RC3H2: variants seen among roughly 807,000 people sequenced by gnomAD.
RC3H2 encodes ring finger and CCCH-type domains 2.
Under a neutral mutation model 133.3 loss-of-function variants are expected in RC3H2, and 31 were observed. The ratio of observed to expected loss-of-function variants is 0.23; its 90% CI spans 0.17 to 0.31. RC3H2 has a LOEUF of 0.31. Among genes scored for constraint, RC3H2 ranks in the 10% least tolerant of loss-of-function variants. The pLI, the probability that RC3H2 is intolerant of heterozygous loss-of-function variation, is 1.00. For missense variants in RC3H2, 1,175 were observed against 1,437.2 expected, an observed-to-expected ratio of 0.82 and a Z score of 2.95; for synonymous variants, 517 against 502.2, an observed-to-expected ratio of 1.03 and a Z score of -0.40.
At position 122,845,538 on chromosome 9, in the gene RC3H2, T is replaced by C. The variant is rs1420473885; in HGVS notation, c.*4089A>G. On this transcript the variant is annotated 3_prime_UTR_variant, in exon 21 of 21. Coordinates refer to ENST00000357244, the MANE Select transcript of RC3H2 (RefSeq NM_001100588.3). ...TGGTTTGGGAATATTTTAAAAATTT[T>C]ATTAAAAAAAAGAAAAAACTGCCAA... is the stretch of plus-strand genomic sequence containing the variant. The C allele has an allele frequency of 6.6e-6, 1 of 152,128 alleles. No homozygotes were observed. The highest frequency in any genetic ancestry group is 1.9e-4 in the East Asian group (1 of 5,194). 9.4% of individuals were successfully genotyped at this position (152,128 alleles called of 1,614,324 possible).
chr9:122,903,114 TTATAAAG>T (rs1832719713), intron 1 of RC3H2, among the ~76,000 whole-genome samples: 1 of 92,324 alleles, frequency 1.1e-5, no homozygotes, highest in Non-Finnish European at 3.5e-5. Context: ...AATATTTAAA[TTATAAAG>T]TAATACTTAG....
Position 122,855,379 on chromosome 9 carries a change from C to T in RC3H2, c.2620G>A (p.Val874Ile), listed in dbSNP as rs1193296144. 6.2e-7 allele frequency: 1 copy of T among 1,613,328 alleles called. No homozygotes were observed. Among genetic ancestry groups the T allele is most frequent in the Non-Finnish European group, 8.5e-7 (1 of 1,179,960 alleles). The change falls in exon 15 of 21, where the codon GTT becomes ATT. Residue 874 changes from valine to isoleucine, a missense_variant. Transcript: ENST00000357244. ...TCAAATAAATGTACTCTTCTCTTAA[C>T]ATCACCACTGTCCAGGTCCTATGTA... ...AVLMDLDSGD[V>I]KRRVHLFETQ...
At chr9:122,888,576 A>G (rs1359210910) in intron 4 of RC3H2, among the ~76,000 whole-genome samples, 1 of 152,176 alleles carries the variant, frequency 6.6e-6, no homozygotes, top group East Asian at 1.9e-4. Context: ...TACTATACTG[A>G]GCAAATTATT....
chr9:122,864,178 T>C (rs1322504659), intron 10 of RC3H2, among the ~76,000 whole-genome samples: 1 of 152,242 alleles, frequency 6.6e-6, no homozygotes, highest in Non-Finnish European at 1.5e-5. Context: ...CAGATACTGA[T>C]AGACTATTTA....
Position 122,845,747 on chromosome 9 carries a change from T to C in RC3H2, c.*3880A>G, listed in dbSNP as rs918568414. On this transcript the variant is annotated 3_prime_UTR_variant, in exon 21 of 21. Transcript: ENST00000357244. ...ATTTATCCAGAAAATGGGATACTCCTTGAGCATGTTCTTTTGTGTTCTGCT... is the reference window on the plus strand; with the variant it reads ...ATTTATCCAGAAAATGGGATACTCCCTGAGCATGTTCTTTTGTGTTCTGCT... 1 of 152,204 alleles carries C rather than the reference T, an allele frequency of 6.6e-6. No homozygotes were observed. Among genetic ancestry groups the C allele is most frequent in the African/African-American group, 2.4e-5 (1 of 41,460 alleles). The allele number at this position is 152,204 out of a possible 1,614,324, so 9.4% of individuals were successfully genotyped here. A position where few individuals can be genotyped will look rare whatever the true frequency, so the allele number is the denominator to read the frequency against.
chr9:122,875,205 A>C (rs979794090), intron 9 of RC3H2: 1 of 1,547,230 alleles, frequency 6.5e-7, no homozygotes, highest in African/African-American at 1.4e-5. Context: ...TCAAGTGGGG[A>C]AAAAAACTGA....
At chr9:122,891,084 A>G (rs1213009485) in intron 3 of RC3H2, among the ~76,000 whole-genome samples, 1 of 137,570 alleles carries the variant, frequency 7.3e-6, no homozygotes, top group African/African-American at 2.8e-5. Flanking sequence ...CAGTGGCACA[A>G]TCTCAGCTCA....
intron 3 of RC3H2, among the ~76,000 whole-genome samples, chr9:122,891,017 T>C (rs1031159450): frequency 7.4e-5 from 10 of 135,728 alleles, no homozygotes; most frequent in Admixed American, 3.7e-4. Flanking sequence ...GCCCCATTTT[T>C]TTTTTTTTTT....
At chr9:122,850,978 A>G in intron 20 of RC3H2, 103 bp downstream of exon 20, 1 of 1,217,550 alleles carries the variant, frequency 8.2e-7, no homozygotes, top group South Asian at 1.4e-5. Flanking sequence ...TTGCCCATAT[A>G]AGGTCTTCCC....
intron 1 of RC3H2, among the ~76,000 whole-genome samples, chr9:122,904,519 G>A (rs575638203): frequency 6.6e-6 from 1 of 152,246 alleles, no homozygotes; most frequent in Non-Finnish European, 1.5e-5. Flanking sequence ...AAAAATGAGA[G>A]AGGGAAAGAA....
chr9:122,898,291 A>T (rs1832504964), intron 1 of RC3H2, among the ~76,000 whole-genome samples: 2 of 152,252 alleles, frequency 1.3e-5, no homozygotes. Context: ...TACTTCTGAT[A>T]AAACTACATT....
rs1036887328 is a variant in RC3H2, at chr9:122,875,000, G to A, written c.1325+2471C>T. On this transcript the variant is annotated intron_variant, in intron 9 of 20. Coordinates refer to ENST00000357244, the MANE Select transcript of RC3H2 (RefSeq NM_001100588.3). Reference sequence around the variant, plus strand: ...GCAATGAAACCACAGTTTCTTCTCTGACTTTTTTAGTCGAACTTTCTCAAA... The same window carrying A: ...GCAATGAAACCACAGTTTCTTCTCTAACTTTTTTAGTCGAACTTTCTCAAA... 12 of 650,154 alleles carry A rather than the reference G, an allele frequency of 1.8e-5. No individual in the cohort carries two copies. In the African/African-American group the frequency reaches 2.2e-4, roughly 12 times the overall value. The allele number at this position is 650,154 out of a possible 1,614,324, so 40.3% of individuals were successfully genotyped here.
intron 15 of RC3H2, among the ~76,000 whole-genome samples, chr9:122,854,916 C>G (rs1830183777): frequency 6.6e-6 from 1 of 151,934 alleles, no homozygotes; most frequent in Non-Finnish European, 1.5e-5. Context: ...CCAGCCTGGC[C>G]AACATGGCGA....
intron 9 of RC3H2, among the ~76,000 whole-genome samples, chr9:122,871,033 G>T (rs560441105): frequency 1.6e-4 from 24 of 152,282 alleles, no homozygotes; most frequent in African/African-American, 5.8e-4. Flanking sequence ...ACAGCTAGAT[G>T]ATATTGTTTC....
intron 2 of RC3H2, among the ~76,000 whole-genome samples, chr9:122,896,570 A>G (rs768422967): frequency 2.0e-5 from 3 of 152,228 alleles, no homozygotes; most frequent in Non-Finnish European, 2.9e-5. Flanking sequence ...AATCTTTCGC[A>G]GAATACAATC....
intron 9 of RC3H2, among the ~76,000 whole-genome samples, chr9:122,866,768 C>T (rs1830696735): frequency 1.3e-5 from 2 of 152,192 alleles, no homozygotes; most frequent in Non-Finnish European, 1.5e-5. Context: ...CCTCCACCTC[C>T]CAGCCACCTG....
At chr9:122,871,943 A>AT (rs1275923097) in intron 9 of RC3H2, among the ~76,000 whole-genome samples, 119 of 145,158 alleles carry the variant, frequency 8.2e-4, no homozygotes, top group Middle Eastern at 3.6e-3. Context: ...TGCCCAGCCA[A>AT]TTTTTTTTTT....
At chr9:122,873,148 C>G (rs75784325) in intron 9 of RC3H2, among the ~76,000 whole-genome samples, 2,420 of 152,246 alleles carry the variant, frequency 0.016, 33 homozygotes, top group South Asian at 0.065. Flanking sequence ...GTTGAACAAA[C>G]ATTTGCTGAA....
At chr9:122,898,749 CA>C (rs11433169) in intron 1 of RC3H2, among the ~76,000 whole-genome samples, 26 of 134,858 alleles carry the variant, frequency 1.9e-4, no homozygotes, top group Admixed American at 2.3e-4. Flanking sequence ...AACTTAATCT[CA>C]AAAAAAAAAA....
Sources: gnomAD v4.1 joint callset for allele counts (sites outside exome capture counted in the v4.1 genomes callset) on GRCh38, gnomAD v4.1.1 for gene constraint, MANE v1.5 for transcripts, NCBI Gene and HGNC (gene_info 2026-07-23, HGNC 2026-07-21) for gene names.